Variants in SCFD2 observed in about 807,000 individuals in gnomAD.
The protein encoded by SCFD2 is sec1 family domain containing 2, also known as sec1 family domain-containing protein 2.
SCFD2 carries 54 observed loss-of-function variants against 58.9 expected under a neutral mutation model. That is an observed-to-expected ratio of 0.92 (90% CI 0.74 to 1.15). The LOEUF (loss-of-function observed/expected upper bound fraction) is 1.15, where lower values mean the gene tolerates loss of function less well. Ranked by LOEUF, SCFD2 falls within the 50% of genes most tolerant of loss-of-function variation. The pLI, the probability that SCFD2 is intolerant of heterozygous loss-of-function variation, is 0.00. For missense variants in SCFD2, 805 were observed against 836.6 expected (o/e 0.96, Z 0.47); for synonymous variants, 321 against 335.9 (o/e 0.96, Z 0.49).
intron 7 of SCFD2, among the ~76,000 whole-genome samples, chr4:52,890,119 C>G (rs1178213794): frequency 6.6e-6 from 1 of 152,204 alleles, no homozygotes; most frequent in Non-Finnish European, 1.5e-5. Context: ...TTCCTTCCAG[C>G]CCTACAAACA....
At chr4:53,327,273 A>C (rs1254447823) in intron 2 of SCFD2, among the ~76,000 whole-genome samples, 1 of 152,134 alleles carries the variant, frequency 6.6e-6, no homozygotes, top group African/African-American at 2.4e-5. Flanking sequence ...ATCAGATTGC[A>C]ACCAGATTGA....
rs770326285 is a variant in SCFD2 at position 52,885,840 on chromosome 4, G to A, written c.1869C>T (p.Tyr623=). ...CTACCACAAAGAGGATCAGGAGGGG[G>A]TAGTCACTAGGATGAGGCCGGCTCA... is the stretch of plus-strand genomic sequence containing the variant. ...MKVSRPHPSD[Y]PLLILFVVGG... Residue 623 remains tyrosine (Y), a synonymous_variant, in exon 8 of 9, where the codon TAC becomes TAT. Coordinates refer to ENST00000401642, the MANE Select transcript of SCFD2 (RefSeq NM_152540.4). 6.2e-7 allele frequency: 1 copy of A among 1,614,100 alleles called. No individual in the cohort carries two copies. The highest frequency in any genetic ancestry group is 8.5e-7 in the Non-Finnish European group (1 of 1,179,972).
chr4:53,163,491 A>C (rs1305638963), intron 4 of SCFD2, among the ~76,000 whole-genome samples: 6 of 152,200 alleles, frequency 3.9e-5, no homozygotes, highest in Admixed American at 3.9e-4. Flanking sequence ...AAGGAGGCCG[A>C]GGTGGGCAGA....
intron 5 of SCFD2, among the ~76,000 whole-genome samples, chr4:53,100,997 C>A (rs1239119538): frequency 2.0e-5 from 3 of 152,090 alleles, no homozygotes; most frequent in African/African-American, 4.8e-5. Flanking sequence ...AGACAGATAT[C>A]CACCTCTGGC....
chr4:53,216,535 CT>C (rs1268701777), intron 4 of SCFD2, among the ~76,000 whole-genome samples: 2 of 152,118 alleles, frequency 1.3e-5, no homozygotes, highest in African/African-American at 4.8e-5. Flanking sequence ...ATTCTTCTCT[CT>C]TTTTTTCTTT....
chr4:53,208,205 G>A (rs1179686084), intron 4 of SCFD2, among the ~76,000 whole-genome samples: 4 of 151,098 alleles, frequency 2.6e-5, no homozygotes, highest in Admixed American at 6.6e-5. Context: ...TCAAATTCAC[G>A]AGCTCATGCA....
intron 5 of SCFD2, among the ~76,000 whole-genome samples, chr4:53,082,037 C>T (rs531827509): frequency 9.1e-4 from 139 of 152,290 alleles, no homozygotes; most frequent in Admixed American, 8.5e-4. Flanking sequence ...GTCAGTACTT[C>T]ATCTATTTTC....
At chr4:53,225,060 T>G (rs1486170362) in intron 4 of SCFD2, among the ~76,000 whole-genome samples, 1 of 152,184 alleles carries the variant, frequency 6.6e-6, no homozygotes, top group Non-Finnish European at 1.5e-5. Flanking sequence ...GTTCCTAATT[T>G]GTCATTATTA....
intron 5 of SCFD2, among the ~76,000 whole-genome samples, chr4:53,099,259 T>C (rs1280405254): frequency 6.6e-6 from 1 of 152,186 alleles, no homozygotes; most frequent in Non-Finnish European, 1.5e-5. Context: ...TACAATCTCC[T>C]TTTGTCACAT....
intron 5 of SCFD2, among the ~76,000 whole-genome samples, chr4:53,083,328 A>G (rs1724205157): frequency 6.6e-6 from 1 of 152,186 alleles, no homozygotes; most frequent in Admixed American, 6.6e-5. Context: ...GAGGTCTCAT[A>G]TGGAAATGAG....
At chr4:53,219,291 T>C (rs569903142) in intron 4 of SCFD2, among the ~76,000 whole-genome samples, 1 of 152,298 alleles carries the variant, frequency 6.6e-6, no homozygotes, top group East Asian at 1.9e-4. Flanking sequence ...CCACCCAGTT[T>C]CAGTTTCGAG....
intron 5 of SCFD2, among the ~76,000 whole-genome samples, chr4:52,970,912 A>T (rs1721083799): frequency 6.6e-6 from 1 of 152,208 alleles, no homozygotes; most frequent in Non-Finnish European, 1.5e-5. Context: ...AACAGGGTCT[A>T]GAGTGGAACT....
At chr4:52,899,038 T>C (rs1442932448) in intron 7 of SCFD2, among the ~76,000 whole-genome samples, 1 of 152,218 alleles carries the variant, frequency 6.6e-6, no homozygotes. Context: ...TGAGCCTATG[T>C]GTGTCTCTGC....
chr4:53,321,574 C>T (rs1198452636), intron 2 of SCFD2, among the ~76,000 whole-genome samples: 2 of 152,062 alleles, frequency 1.3e-5, no homozygotes, highest in African/African-American at 4.8e-5. Context: ...CAACAAAAAA[C>T]CCAAACAATT....
At chr4:52,992,491 G>A (rs372962318) in intron 5 of SCFD2, among the ~76,000 whole-genome samples, 15 of 150,842 alleles carry the variant, frequency 9.9e-5, no homozygotes, top group Non-Finnish European at 1.6e-4. Context: ...GCCGCCCATC[G>A]TCTGGGATGT....
chr4:53,103,767 GT>G (rs1724898829), intron 5 of SCFD2, among the ~76,000 whole-genome samples: 1 of 7,242 alleles, frequency 1.4e-4, no homozygotes, highest in African/African-American at 2.5e-4. Flanking sequence ...AAGTAAGGAA[GT>G]AAAAAAAAAA....
chr4:53,335,219 A>AAAC, intron 2 of SCFD2, among the ~76,000 whole-genome samples: 1 of 148,016 alleles, frequency 6.8e-6, no homozygotes, highest in African/African-American at 2.5e-5. Flanking sequence ...AAAAACAACA[A>AAAC]AAAAAAAAAC....
In SCFD2 at chr4:53,250,790, C is replaced by T. The variant is rs191061065; in HGVS notation, c.1311+23036G>A. ...AGCACTAAATGCCCACAAGAGAAAGCAGGAAAGATCTAAAATTGACACCCT... is the reference window on the plus strand; with the variant it reads ...AGCACTAAATGCCCACAAGAGAAAGTAGGAAAGATCTAAAATTGACACCCT... On this transcript the variant is annotated intron_variant, in intron 4 of 8. Coordinates refer to ENST00000401642, the MANE Select transcript of SCFD2 (RefSeq NM_152540.4). Among the ~76,000 whole-genome samples, 1,127 of 152,206 alleles carry T rather than the reference C, an allele frequency of 7.4e-3. 7 individuals are homozygous for T. The highest frequency in any genetic ancestry group is 0.026 in the African/African-American group (1,066 of 41,526).
chr4:53,006,953 A>AT (rs1170734651), intron 5 of SCFD2, among the ~76,000 whole-genome samples: 2 of 151,842 alleles, frequency 1.3e-5, no homozygotes, highest in African/African-American at 4.8e-5. Flanking sequence ...CAGATCTTCC[A>AT]TTTTTTCAAG....
Sources: gnomAD v4.1 joint callset for allele counts (sites outside exome capture counted in the v4.1 genomes callset) on GRCh38, gnomAD v4.1.1 for gene constraint, MANE v1.5 for transcripts, NCBI Gene and HGNC (gene_info 2026-07-23, HGNC 2026-07-21) for gene names.